Variants in GARIN5A observed in about 807,000 individuals in gnomAD.
GARIN5A encodes golgi associated RAB2 interactor 5A.
the GARIN5A span, among the ~76,000 whole-genome samples, chr19:50,472,082 G>A: frequency 7.9e-4 from 77 of 98,054 alleles, 1 homozygote; most frequent in East Asian, 0.018. Flanking sequence ...ATATATACAT[G>A]TGTGTATATG....
At chr19:50,472,067 T>G in the GARIN5A span, among the ~76,000 whole-genome samples, 1 of 114,500 alleles carries the variant, frequency 8.7e-6, no homozygotes, top group Admixed American at 7.7e-5. Context: ...TGTGTGTATA[T>G]GTGTATATAT....
chr19:50,476,656 G>A, the GARIN5A span: 1 of 1,524,386 alleles, frequency 6.6e-7, no homozygotes. Context: ...TGGTGCGCGA[G>A]GGGTGAGTGC....
the GARIN5A span, chr19:50,467,968 G>T: frequency 1.4e-6 from 1 of 721,002 alleles, no homozygotes; most frequent in Non-Finnish European, 2.3e-6. Flanking sequence ...TTGAACTTGA[G>T]TCCATTCCCA....
the GARIN5A span, among the ~76,000 whole-genome samples, chr19:50,473,815 C>T: frequency 4.4e-4 from 67 of 152,128 alleles, no homozygotes; most frequent in African/African-American, 1.3e-3. Context: ...GGTGAAACCC[C>T]GTCTCTACTA....
chr19:50,467,345 C>T, the GARIN5A span, among the ~76,000 whole-genome samples: 1 of 151,922 alleles, frequency 6.6e-6, no homozygotes, highest in Non-Finnish European at 1.5e-5. Context: ...ACCCACAGAC[C>T]CCCATATCCC....
At chr19:50,470,476 A>G in the GARIN5A span, among the ~76,000 whole-genome samples, 2 of 150,964 alleles carry the variant, frequency 1.3e-5, no homozygotes, top group Non-Finnish European at 3.0e-5. Flanking sequence ...TCATGCCACT[A>G]CACTCCAGCC....
the GARIN5A span, chr19:50,476,475 C>A: frequency 1.9e-6 from 3 of 1,574,848 alleles, no homozygotes; most frequent in Non-Finnish European, 1.7e-6. Context: ...CAGGATGCGG[C>A]CTGTTCCTCC....
chr19:50,476,476 CT>C, the GARIN5A span: 9 of 1,575,152 alleles, frequency 5.7e-6, no homozygotes, highest in Non-Finnish European at 7.7e-6. Context: ...AGGATGCGGC[CT>C]GTTCCTCCCG....
At chr19:50,470,664 T>C in the GARIN5A span, among the ~76,000 whole-genome samples, 10 of 150,440 alleles carry the variant, frequency 6.6e-5, no homozygotes, top group African/African-American at 2.4e-4. Context: ...GCTGTTTTTT[T>C]TTTTTTTTGA....
At chr19:50,467,038 A>C in the GARIN5A span, 2 of 152,510 alleles carry the variant, frequency 1.3e-5, no homozygotes, top group African/African-American at 4.8e-5. Flanking sequence ...ACTTACTGGA[A>C]TGGCAGGGGA....
chr19:50,473,223 G>A, the GARIN5A span, among the ~76,000 whole-genome samples: 1 of 152,200 alleles, frequency 6.6e-6, no homozygotes, highest in Non-Finnish European at 1.5e-5. Context: ...CAGAAATGCA[G>A]AGAAGGAACT....
the GARIN5A span, among the ~76,000 whole-genome samples, chr19:50,472,147 C>T: frequency 1.4e-5 from 2 of 142,496 alleles, no homozygotes; most frequent in Admixed American, 7.0e-5. Flanking sequence ...TGTATGTATA[C>T]GTGTGTATAT....
the GARIN5A span, among the ~76,000 whole-genome samples, chr19:50,472,090 ATGTATATGTATATATACGTG>A: frequency 9.3e-3 from 1,054 of 112,886 alleles, 116 homozygotes; most frequent in African/African-American, 0.022. Flanking sequence ...ATGTGTGTAT[ATGTATATGTATATATACGTG>A]TGTATATGTA....
At chr19:50,476,338 C>T in the GARIN5A span, 2 of 1,585,180 alleles carry the variant, frequency 1.3e-6, no homozygotes, top group Non-Finnish European at 1.7e-6. Context: ...TTTGTGATGA[C>T]GTCCCTGGAG....
the GARIN5A span, chr19:50,476,407 C>T: frequency 6.5e-7 from 1 of 1,548,126 alleles, no homozygotes; most frequent in East Asian, 2.3e-5. Context: ...CGTCAGGCCC[C>T]AGGTGCGGAC....
At chr19:50,470,934 G>A in the GARIN5A span, among the ~76,000 whole-genome samples, 1 of 151,952 alleles carries the variant, frequency 6.6e-6, no homozygotes. Context: ...AATTACAGGT[G>A]TGACCACCGC....
chr19:50,467,807 G>A, the GARIN5A span: 11 of 1,613,236 alleles, frequency 6.8e-6, no homozygotes, highest in South Asian at 1.1e-5. Flanking sequence ...ACAAAGAGCT[G>A]GACGAACTTC....
chr19:50,471,951 CATGT>C, the GARIN5A span, among the ~76,000 whole-genome samples: 2,710 of 143,726 alleles, frequency 0.019, 56 homozygotes, highest in Middle Eastern at 0.043. Context: ...AGTATATATA[CATGT>C]ATGTATGTAT....
the GARIN5A span, among the ~76,000 whole-genome samples, chr19:50,468,371 A>G: frequency 8.1e-4 from 123 of 151,010 alleles, no homozygotes; most frequent in Admixed American, 3.6e-3. Context: ...CTCAAAAAAA[A>G]AAAAAAAAAA....
Sources: allele counts gnomAD v4.1 joint callset (sites outside exome capture counted in the v4.1 genomes callset), GRCh38; gene constraint gnomAD v4.1.1; transcripts MANE v1.5; gene names NCBI Gene and HGNC (gene_info 2026-07-23, HGNC 2026-07-21).